FAT3: variants seen among roughly 807,000 people sequenced by gnomAD.
FAT3 encodes FAT atypical cadherin 3.
FAT3 carries 95 observed loss-of-function variants against 310.2 expected under a neutral mutation model. The ratio of observed to expected loss-of-function variants is 0.31; its 90% confidence interval spans 0.26 to 0.36. FAT3 has a LOEUF of 0.36. Ranked by LOEUF, FAT3 falls within the 10% of genes least tolerant of loss-of-function variation. FAT3 has a pLI of 1.00. For missense variants in FAT3, 5,408 were observed against 5,715.6 expected (o/e 0.95, Z 1.74); for synonymous variants, 2,314 against 2,192.9 (o/e 1.06, Z -1.54).
chr11:92,325,730 C>T (rs186796421), intron 1 of FAT3, among the ~76,000 whole-genome samples: 1 of 152,278 alleles, frequency 6.6e-6, no homozygotes, highest in Admixed American at 6.5e-5. Context: ...CTCCTGAGTT[C>T]AATTGATTCT....
rs116521873 is a variant in FAT3 at position 92,548,096 on chromosome 11, T to G, written c.3607+23148T>G. ...TTTTATTAATCCCAAGGCCTCAGTATACGCAGAACGATCCTGTCTGATGAG... is the reference window on the plus strand; with the variant it reads ...TTTTATTAATCCCAAGGCCTCAGTAGACGCAGAACGATCCTGTCTGATGAG... On this transcript the variant is annotated intron_variant, in intron 3 of 27. Coordinates refer to ENST00000525166, the MANE Select transcript of FAT3 (RefSeq NM_001367949.2). Among the ~76,000 whole-genome samples, 1,231 of 152,298 alleles carry G rather than the reference T, an allele frequency of 8.1e-3. 14 individuals carry two copies. The highest frequency in any genetic ancestry group is 0.028 in the African/African-American group (1,172 of 41,572).
At chr11:92,297,032 G>C (rs892326020) in intron 1 of FAT3, among the ~76,000 whole-genome samples, 3 of 152,036 alleles carry the variant, frequency 2.0e-5, no homozygotes, top group Non-Finnish European at 2.9e-5. Flanking sequence ...TAGTTATCTT[G>C]CTTCTACCTT....
In FAT3 at chr11:92,890,817, C is replaced by T. The variant is rs767160128; in HGVS notation, c.13474C>T (p.Gln4492Ter). The part of the protein sequence containing the change: ...CRRRPQFHPS[Q>*]YLPPHPFPNE... ...GAGAAGGCCCCAGTTTCATCCTAGCCAGTATCTCCCTCCTCACCCATTCCC... is the reference window on the plus strand; with the variant it reads ...GAGAAGGCCCCAGTTTCATCCTAGCTAGTATCTCCCTCCTCACCCATTCCC... The change falls in exon 28 of 28, where the codon CAG becomes TAG. Residue 4492 changes from glutamine (Q) to a stop codon, truncating the protein, a stop_gained. Coordinates refer to ENST00000525166, the MANE Select transcript of FAT3 (RefSeq NM_001367949.2). LOFTEE classifies it high-confidence loss of function. The T allele has an allele frequency of 3.7e-6, 6 of 1,613,620 alleles. No homozygotes were observed. Among genetic ancestry groups the T allele is most frequent in the Non-Finnish European group, 5.1e-6 (6 of 1,179,834 alleles).
At chr11:92,647,936 T>A (rs375695368) in intron 3 of FAT3, among the ~76,000 whole-genome samples, 1 of 152,084 alleles carries the variant, frequency 6.6e-6, no homozygotes, top group African/African-American at 2.4e-5. Context: ...GTTCATCCAG[T>A]GAAAAAATAT....
At chr11:92,548,708 T>TAAAAAAGTAAAAAG (rs1325861936) in intron 3 of FAT3, among the ~76,000 whole-genome samples, 1 of 152,230 alleles carries the variant, frequency 6.6e-6, no homozygotes, top group Non-Finnish European at 1.5e-5. Context: ...ATCACCTCAG[T>TAAAAAAGTAAAAAG]AAAAGATCTT....
intron 1 of FAT3, among the ~76,000 whole-genome samples, chr11:92,245,103 A>G (rs181027365): frequency 2.6e-5 from 4 of 152,280 alleles, no homozygotes; most frequent in East Asian, 3.9e-4. Context: ...ATGCCCATGA[A>G]TGATAGACTG....
intron 1 of FAT3, among the ~76,000 whole-genome samples, chr11:92,344,398 C>T (rs941130529): frequency 2.0e-5 from 3 of 152,168 alleles, no homozygotes; most frequent in Non-Finnish European, 4.4e-5. Flanking sequence ...CCCTTAGTCA[C>T]TTAGTAGCCA....
rs866726291 is a variant in FAT3 at position 92,882,587 on chromosome 11, C to A, written c.12282-151C>A. ...GAAATGCCTAAATTAACTCCCCCTC[C>A]CCCCCCCCACCAACCATCTTTGTCC... On this transcript the variant is annotated intron_variant, in intron 23 of 27. Coordinates refer to ENST00000525166, the MANE Select transcript of FAT3 (RefSeq NM_001367949.2). 5.0e-5 allele frequency: 25 copies of A among 500,464 alleles called. 2 individuals carry two copies. The highest frequency in any genetic ancestry group is 2.2e-4 in the South Asian group (7 of 31,692). 31.0% of individuals were successfully genotyped at this position (500,464 alleles called of 1,614,324 possible). A position where few individuals can be genotyped will look rare whatever the true frequency, so the allele number is the denominator to read the frequency against.
At chr11:92,817,828 A>G (rs892739860) in intron 13 of FAT3, among the ~76,000 whole-genome samples, 1 of 152,242 alleles carries the variant, frequency 6.6e-6, no homozygotes. Context: ...GAATCTCTCC[A>G]GTGGTTTTCC....
chr11:92,553,675 C>CCTTCCTTCCTTCCTTCCTTCCTTCCTT (rs1954898483), intron 3 of FAT3, among the ~76,000 whole-genome samples: 10 of 108,360 alleles, frequency 9.2e-5, no homozygotes, highest in African/African-American at 2.4e-4. Flanking sequence ...GAATCTCCGT[C>CCTTCCTTCCTTCCTTCCTTCCTTCCTT]CCTTCCTTCC....
intron 1 of FAT3, among the ~76,000 whole-genome samples, chr11:92,246,127 A>G (rs1333633267): frequency 1.3e-5 from 2 of 152,102 alleles, no homozygotes; most frequent in African/African-American, 4.8e-5. Context: ...GCCAGATGGC[A>G]GTGGATGGAG....
At chr11:92,659,430 C>T (rs1942696557) in intron 3 of FAT3, among the ~76,000 whole-genome samples, 1 of 152,142 alleles carries the variant, frequency 6.6e-6, no homozygotes, top group Admixed American at 6.6e-5. Flanking sequence ...GGGAAAATTA[C>T]TTTTTTACTG....
At chr11:92,302,608 C>T (rs755494349) in intron 1 of FAT3, among the ~76,000 whole-genome samples, 15 of 152,010 alleles carry the variant, frequency 9.9e-5, no homozygotes, top group African/African-American at 3.1e-4. Context: ...GCATAGAAGG[C>T]GATGCATTTA....
chr11:92,487,894 T>TG (rs1952468118), intron 2 of FAT3, among the ~76,000 whole-genome samples: 1 of 152,216 alleles, frequency 6.6e-6, no homozygotes, highest in East Asian at 1.9e-4. Context: ...GGGTCTGTGG[T>TG]GGACAGACTC....
At chr11:92,271,774 C>T (rs1428194535) in intron 1 of FAT3, among the ~76,000 whole-genome samples, 1 of 152,132 alleles carries the variant, frequency 6.6e-6, no homozygotes, top group East Asian at 1.9e-4. Context: ...ATTGGGTTTG[C>T]CCCATTCATC....
intron 22 of FAT3, among the ~76,000 whole-genome samples, chr11:92,869,695 C>T (rs6483194): frequency 0.73 from 111,710 of 152,148 alleles, 41,965 homozygotes; most frequent in South Asian, 0.89. Flanking sequence ...CAAAATTTGG[C>T]CTTTACTTCA....
At chr11:92,667,266 G>A (rs1196429448) in intron 3 of FAT3, among the ~76,000 whole-genome samples, 3 of 152,174 alleles carry the variant, frequency 2.0e-5, no homozygotes, top group Non-Finnish European at 4.4e-5. Context: ...AGACGTGGCA[G>A]CATCCGTTTT....
At chr11:92,701,675 A>G (rs562836564) in intron 4 of FAT3, among the ~76,000 whole-genome samples, 73 of 152,338 alleles carry the variant, frequency 4.8e-4, no homozygotes, top group African/African-American at 1.7e-3. Context: ...TATAGTGGAG[A>G]TAGAAGACTA....
At chr11:92,774,266 A>T in intron 7 of FAT3, 86 bp downstream of exon 7, 1 of 1,381,390 alleles carries the variant, frequency 7.2e-7, no homozygotes, top group Non-Finnish European at 9.7e-7. Context: ...AATGTAATGG[A>T]AGTAGTAAAT....
Sources: gnomAD v4.1 joint callset for allele counts (sites outside exome capture counted in the v4.1 genomes callset) on GRCh38, gnomAD v4.1.1 for gene constraint, MANE v1.5 for transcripts, NCBI Gene and HGNC (gene_info 2026-07-23, HGNC 2026-07-21) for gene names.